The following TUB variants were observed in gnomAD, a reference collection of about 807,000 sequenced individuals.
The protein encoded by TUB is TUB bipartite transcription factor.
Under a neutral mutation model 59.7 loss-of-function variants are expected in TUB, and 33 were observed. That is an observed-to-expected ratio of 0.55 (90% CI 0.42 to 0.74). TUB has a LOEUF of 0.74. Ranked by LOEUF, TUB falls within the 30% of genes least tolerant of loss-of-function variation. The probability of loss-of-function intolerance (pLI) is 0.00; values close to 1 mark genes in which losing one functional copy is unlikely to be tolerated. For missense variants in TUB, 659 were observed against 672.0 expected (o/e 0.98, Z 0.21); for synonymous variants, 293 against 256.4 (o/e 1.14, Z -1.36).
chr11:8,077,069 C>CT (rs775823229), upstream of TUB: 18 of 152,222 alleles, frequency 1.2e-4, no homozygotes, highest in African/African-American at 1.7e-4. Flanking sequence ...CAAAATGGCA[C>CT]TTGACTCTGT....
intron 2 of TUB, chr11:8,067,926 A>G (rs1943277168): frequency 6.6e-6 from 1 of 152,226 alleles, no homozygotes; most frequent in Admixed American, 6.5e-5. Context: ...CCCCTTCTCA[A>G]ACCTGCTATT....
At chr11:8,088,236 G>A (rs1478596534) in intron 1 of TUB, among the ~76,000 whole-genome samples, 1 of 152,190 alleles carries the variant, frequency 6.6e-6, no homozygotes, top group Non-Finnish European at 1.5e-5. Context: ...CTCATAGATC[G>A]TGGCCAAGGT....
intron 2 of TUB, chr11:8,068,052 TTTTA>T (rs1470787181): frequency 6.6e-6 from 1 of 152,240 alleles, no homozygotes; most frequent in East Asian, 1.9e-4. Context: ...TGCTAAAAGC[TTTTA>T]TTTATTAAAT....
intron 2 of TUB, among the ~76,000 whole-genome samples, chr11:8,058,396 G>A (rs1210123234): frequency 1.3e-5 from 2 of 152,086 alleles, no homozygotes; most frequent in Admixed American, 6.6e-5. Flanking sequence ...GCATCTCCTC[G>A]CACTTCGATG....
intron 2 of TUB, among the ~76,000 whole-genome samples, chr11:8,049,079 G>A (rs536715722): frequency 5.9e-5 from 9 of 152,236 alleles, no homozygotes; most frequent in Middle Eastern, 3.4e-3. Context: ...CTCCATATTC[G>A]TGCTCTTACC....
intron 3 of TUB, among the ~76,000 whole-genome samples, chr11:8,091,747 A>G (rs896536779): frequency 2.5e-4 from 38 of 152,182 alleles, no homozygotes; most frequent in African/African-American, 8.9e-4. Context: ...TCACAGAGGC[A>G]GCCCCAGCTG....
upstream of TUB, among the ~76,000 whole-genome samples, chr11:8,078,653 G>T (rs945273781): frequency 6.6e-6 from 1 of 151,986 alleles, no homozygotes; most frequent in African/African-American, 2.4e-5. Context: ...TCTCCTGCAC[G>T]CGTACCATCC....
At chr11:8,034,012 C>T (rs1271980882), upstream of TUB, among the ~76,000 whole-genome samples, 6 of 152,200 alleles carry the variant, frequency 3.9e-5, no homozygotes, top group Non-Finnish European at 7.4e-5. Flanking sequence ...GGGGCATACC[C>T]GGCCTTGTCT....
At chr11:8,095,457 C>T (rs1305225707) in intron 4 of TUB, 41 bp from the exon 5 acceptor site, 1 of 1,569,818 alleles carries the variant, frequency 6.4e-7, no homozygotes, top group Non-Finnish European at 8.7e-7. Context: ...GCCCTCCTCT[C>T]CTCCTCCTGG....
chr11:8,096,118 A>C (rs1476760437), intron 5 of TUB, among the ~76,000 whole-genome samples: 1 of 152,178 alleles, frequency 6.6e-6, no homozygotes, highest in Admixed American at 6.5e-5. Context: ...TGTACAAAGG[A>C]CTTTGAGACA....
chr11:8,097,177 T>G (rs1564922906), intron 6 of TUB, 51 bp from the exon 7 acceptor site: 4 of 1,598,620 alleles, frequency 2.5e-6, no homozygotes, highest in Non-Finnish European at 3.4e-6. Flanking sequence ...ACCACCAATT[T>G]GGGCTGCTTA....
At chr11:8,075,715 T>C in intron 2 of TUB, 1 of 6,360 alleles carries the variant, frequency 1.6e-4, no homozygotes, top group African/African-American at 1.9e-4. Context: ...CTGTCTGCTG[T>C]AATAAAAAAA....
At chr11:8,099,930 G>A (rs746400285) in intron 9 of TUB, among the ~76,000 whole-genome samples, 4 of 152,324 alleles carry the variant, frequency 2.6e-5, no homozygotes, top group East Asian at 3.9e-4. Context: ...ATGGGGCCAC[G>A]TGCAGGTGAA....
At position 8,101,658 on chromosome 11, in the gene TUB, C is replaced by T. The variant is rs770460278; in HGVS notation, c.*39C>T. Reference sequence around the variant, plus strand: ...CCCTTTGGGGTTGCCCAGCCTGGAGCGGAGCTTGCCTGCCTGCCTGTGGAG... The same window carrying T: ...CCCTTTGGGGTTGCCCAGCCTGGAGTGGAGCTTGCCTGCCTGCCTGTGGAG... On this transcript the variant is annotated 3_prime_UTR_variant, in exon 12 of 12. Coordinates refer to ENST00000299506, the MANE Select transcript of TUB (RefSeq NM_177972.3). 1.9e-4 allele frequency: 308 copies of T among 1,607,706 alleles called. No individual in the cohort carries two copies. Among genetic ancestry groups the T allele is most frequent in the Non-Finnish European group, 2.5e-4 (295 of 1,177,182 alleles).
chr11:8,060,196 C>T (rs1167208174), intron 2 of TUB: 3 of 152,584 alleles, frequency 2.0e-5, no homozygotes, highest in Admixed American at 6.5e-5. Context: ...GTGGGAAAGC[C>T]AAGAGAGTGA....
intron 2 of TUB, among the ~76,000 whole-genome samples, chr11:8,058,811 G>A (rs541305277): frequency 1.3e-5 from 2 of 152,278 alleles, no homozygotes; most frequent in Admixed American, 1.3e-4. Context: ...AGAGTTAGGC[G>A]AAACTCATTG....
chr11:8,057,244 T>C (rs1234606451), intron 2 of TUB, among the ~76,000 whole-genome samples: 1 of 152,180 alleles, frequency 6.6e-6, no homozygotes, highest in Non-Finnish European at 1.5e-5. Flanking sequence ...ACATAGCTGT[T>C]ATTAAGCATC....
At chr11:8,078,366 A>C (rs4758287), upstream of TUB, among the ~76,000 whole-genome samples, 101,733 of 152,026 alleles carry the variant, frequency 0.67, 34,339 homozygotes, top group Middle Eastern at 0.74. Flanking sequence ...GTGGTGTTTC[A>C]GTCCAGATAA....
At chr11:8,099,529 T>TCC (rs1944161415) in intron 9 of TUB, among the ~76,000 whole-genome samples, 1 of 152,174 alleles carries the variant, frequency 6.6e-6, no homozygotes, top group Admixed American at 6.5e-5. Context: ...GCCTGAGTCT[T>TCC]CAAGTTCTTA....
Sources: gnomAD v4.1 joint callset for allele counts (sites outside exome capture counted in the v4.1 genomes callset) on GRCh38, gnomAD v4.1.1 for gene constraint, MANE v1.5 for transcripts, NCBI Gene and HGNC (gene_info 2026-07-23, HGNC 2026-07-21) for gene names.